Variants in GLS observed in about 807,000 individuals in gnomAD.
GLS encodes the protein glutaminase.
Under a neutral mutation model 86.7 loss-of-function variants are expected in GLS, and 36 were observed. The ratio of observed to expected loss-of-function variants is 0.42; its 90% CI spans 0.32 to 0.55. GLS has a LOEUF of 0.55. Ranked by LOEUF, GLS falls within the 20% of genes least tolerant of loss-of-function variation. The pLI is 0.17. For synonymous variants in GLS, 317 were observed against 305.9 expected (o/e 1.04, Z -0.38); for missense variants, 528 against 833.4 (o/e 0.63, Z 4.51).
At chr2:190,903,137 G>A (rs1689006129) in intron 5 of GLS, among the ~76,000 whole-genome samples, 1 of 152,170 alleles carries the variant, frequency 6.6e-6, no homozygotes, top group South Asian at 2.1e-4. Context: ...AAAGTGCTGG[G>A]ATTATAGGCA....
At position 190,942,689 on chromosome 2, in the gene GLS, G is replaced by A. The variant is rs531808919; in HGVS notation, c.1651-10876G>A. Reference sequence around the variant, plus strand: ...GAGAACACTGGAAAAGCAAACCTTGGGAGTATGGGAAGAAATTAGTTTAAC... The same window carrying A: ...GAGAACACTGGAAAAGCAAACCTTGAGAGTATGGGAAGAAATTAGTTTAAC... On this transcript the variant is annotated intron_variant, in intron 14 of 17. Coordinates refer to ENST00000320717, the MANE Select transcript of GLS (RefSeq NM_014905.5). Among the ~76,000 whole-genome samples the A allele has an allele frequency of 3.3e-5, 5 of 152,296 alleles. 1 individual carries two copies. The South Asian group carries it at 1.0e-3, about 32-fold the overall frequency.
intron 14 of GLS, among the ~76,000 whole-genome samples, chr2:190,944,578 A>G (rs766654179): frequency 2.6e-5 from 4 of 152,026 alleles, no homozygotes; most frequent in Non-Finnish European, 5.9e-5. Flanking sequence ...ATTGATTAGG[A>G]GTGCTGTTTT....
chr2:190,881,420 G>C lies in GLS; in HGVS notation c.336G>C (p.Thr112=), dbSNP rs1471705258. The C allele has an allele frequency of 1.9e-6, 3 of 1,545,396 alleles. No homozygotes were observed. Among genetic ancestry groups the C allele is most frequent in the South Asian group, 1.2e-5 (1 of 83,928 alleles). ...APGPKDGPGE[T]DAFGNSEGKE... The stretch of plus-strand genomic sequence containing the variant: ...GCCCCAAGGACGGCCCCGGGGAGAC[G>C]GACGCGTTTGGCAACAGCGAGGGCA... Residue 112 remains threonine (T), a synonymous_variant, in exon 1 of 18, where the codon ACG becomes ACC. Coordinates refer to ENST00000320717, the MANE Select transcript of GLS (RefSeq NM_014905.5).
rs539608764 is a variant in GLS, at chr2:190,915,111, C to T, written c.1038+4790C>T. Among the ~76,000 whole-genome samples, 3 of 151,484 alleles carry T rather than the reference C, an allele frequency of 2.0e-5. No individual in the cohort carries two copies. In the East Asian group the frequency reaches 5.8e-4, roughly 29 times the overall value. On this transcript the variant is annotated intron_variant, in intron 7 of 17. Coordinates refer to ENST00000320717, the MANE Select transcript of GLS (RefSeq NM_014905.5). ...GTTCACGCCATTCTCCTGCCTCAGC[C>T]TCCCGAGTAGCTGGGACTACAGGCG...
At position 190,964,869 on chromosome 2, in the gene GLS, T is replaced by TGAA. The variant is rs1252227732; in HGVS notation, c.*1886_*1888dup. 3 of 152,224 alleles carry TGAA rather than the reference T, an allele frequency of 2.0e-5. No homozygotes were observed. The highest frequency in any genetic ancestry group is 7.2e-5 in the African/African-American group (3 of 41,452). The allele number at this position is 152,224 out of a possible 1,614,324, so 9.4% of individuals were successfully genotyped here. A position where few individuals can be genotyped will look rare whatever the true frequency, so the allele number is the denominator to read the frequency against. The stretch of plus-strand genomic sequence containing the variant: ...AACAAGACAGTTGAATTGTGTGACT[T>TGAA]GAAGATTACCAATGATTTTGAGGCT... On this transcript the variant is annotated 3_prime_UTR_variant, in exon 18 of 18. Coordinates refer to ENST00000320717, the MANE Select transcript of GLS (RefSeq NM_014905.5). This position sits in a 1 kb window ranked among gnomAD's most constrained non-coding sequence, Gnocchi z 5.2.
chr2:190,918,510 T>C (rs1293500312), intron 7 of GLS, among the ~76,000 whole-genome samples: 1 of 152,196 alleles, frequency 6.6e-6, no homozygotes, highest in East Asian at 1.9e-4. Flanking sequence ...GTTTCATTTT[T>C]TTTTTATCTA....
At position 190,920,875 on chromosome 2, in the gene GLS, A is replaced by G; in HGVS notation, c.1039-149A>G. ...AAATAACATGAAAAAAAGTTTATAT[A>G]AATGTTAAATTACTTTAGAACTATT... is the stretch of plus-strand genomic sequence containing the variant. On this transcript the variant is annotated intron_variant, in intron 7 of 17. Coordinates refer to ENST00000320717, the MANE Select transcript of GLS (RefSeq NM_014905.5). This position sits in a 1 kb window ranked among gnomAD's most constrained non-coding sequence, Gnocchi z 4.2. The G allele has an allele frequency of 1.8e-6, 1 of 542,068 alleles. No individual in the cohort carries two copies. The highest frequency in any genetic ancestry group is 4.9e-4 in the Middle Eastern group (1 of 2,052). The allele number at this position is 542,068 out of a possible 1,614,324, so 33.6% of individuals were successfully genotyped here.
In GLS at chr2:190,927,384, A is replaced by G. The variant is rs1373946574; in HGVS notation, c.1327A>G (p.Thr443Ala). 5 of 1,613,974 alleles carry G rather than the reference A, an allele frequency of 3.1e-6. No individual in the cohort carries two copies. Reference protein sequence around the residue: ...TLANGGFCPITGERVLSPEAV... With the variant: ...TLANGGFCPIAGERVLSPEAV... ...GGCTAATGGTGGTTTCTGCCCAATT[A>G]CTGGTGAAAGAGTACTGAGCCCTGA... The change falls in exon 12 of 18, where the codon ACT becomes GCT. Residue 443 changes from threonine to alanine, a missense_variant. Coordinates refer to ENST00000320717, the MANE Select transcript of GLS (RefSeq NM_014905.5).
At chr2:190,917,655 T>G (rs947121367) in intron 7 of GLS, among the ~76,000 whole-genome samples, 2 of 152,218 alleles carry the variant, frequency 1.3e-5, no homozygotes, top group Non-Finnish European at 2.9e-5. Context: ...AAGTTGAAGT[T>G]ACTCCTTGAT....
In GLS at chr2:190,880,831, C is replaced by G. The variant is rs1011558852; in HGVS notation, c.-254C>G. 2.5e-5 allele frequency: 19 copies of G among 758,988 alleles called. No individual in the cohort carries two copies. Among genetic ancestry groups the G allele is most frequent in the Non-Finnish European group, 3.5e-5 (16 of 452,860 alleles). 47.0% of individuals were successfully genotyped at this position (758,988 alleles called of 1,614,324 possible). A position where few individuals can be genotyped will look rare whatever the true frequency, so the allele number is the denominator to read the frequency against. The stretch of plus-strand genomic sequence containing the variant: ...CTGCGCTTTAGCCTCAGTGCGGAGC[C>G]TTAGGCGGAGCGAAGAGAACCGGTC... On this transcript the variant is annotated 5_prime_UTR_variant, in exon 1 of 18. Coordinates refer to ENST00000320717, the MANE Select transcript of GLS (RefSeq NM_014905.5).
Position 190,924,416 on chromosome 2 carries a change from A to G in GLS, c.1198-127A>G. On this transcript the variant is annotated intron_variant, in intron 10 of 17. Transcript: ENST00000320717. This position sits in a 1 kb window ranked among gnomAD's most constrained non-coding sequence, Gnocchi z 5.2. ...TTTTATTTCATGTTTATACTCTTTT[A>G]GAAGTTACATGCTATTTTATTAATT... 1.5e-6 allele frequency: 1 copy of G among 681,016 alleles called. No individual in the cohort carries two copies. The highest frequency in any genetic ancestry group is 1.8e-5 in the African/African-American group (1 of 55,102). The allele number at this position is 681,016 out of a possible 1,614,324, so 42.2% of individuals were successfully genotyped here.
At position 190,881,301 on chromosome 2, in the gene GLS, T is replaced by C; in HGVS notation, c.217T>C (p.Ser73Pro). 1 of 1,490,102 alleles carries C rather than the reference T, an allele frequency of 6.7e-7. No individual in the cohort carries two copies. The highest frequency in any genetic ancestry group is 8.9e-7 in the Non-Finnish European group (1 of 1,120,320). 92.3% of individuals were successfully genotyped at this position (1,490,102 alleles called of 1,614,324 possible). The change falls in exon 1 of 18, where the codon TCC becomes CCC. Residue 73 changes from serine (S) to proline (P), a missense_variant. Physicochemically the swap from Ser to Pro is moderately conservative, Grantham distance 74. Coordinates refer to ENST00000320717, the MANE Select transcript of GLS (RefSeq NM_014905.5). ...WPAEPLARGL[S>P]SSPSEILQEL... ...GGCGGAGCCCCTCGCGCGGGGCCTG[T>C]CCAGCTCTCCTTCGGAGATCTTGCA...
intron 6 of GLS, among the ~76,000 whole-genome samples, chr2:190,907,448 G>T (rs1179354135): frequency 6.6e-6 from 1 of 151,646 alleles, no homozygotes; most frequent in Non-Finnish European, 1.5e-5. Context: ...TAGAGACGGG[G>T]TTTCTCCATG....
At position 190,949,013 on chromosome 2, in the gene GLS, A is replaced by G. The variant is rs538410432; in HGVS notation, c.1651-4552A>G. Among the ~76,000 whole-genome samples, 23 of 152,254 alleles carry G rather than the reference A, an allele frequency of 1.5e-4. No individual in the cohort carries two copies. Among genetic ancestry groups the G allele is most frequent in the Middle Eastern group, 3.4e-3 (1 of 294 alleles). On this transcript the variant is annotated intron_variant, in intron 14 of 17. Transcript: ENST00000320717. The surrounding 1 kb of genome is among the most constrained non-coding windows in gnomAD (Gnocchi z 4.0). The stretch of plus-strand genomic sequence containing the variant: ...ATGCTGGGCTGGGATGGCCTGGGGA[A>G]GACTGACAGCAAGGAAGGGACTTTC...
In GLS at chr2:190,963,086, C is replaced by T. The variant is rs564598203; in HGVS notation, c.*100C>T. 2.7e-4 allele frequency: 225 copies of T among 831,260 alleles called. 1 individual carries two copies. The African/African-American group carries it at 3.7e-3, about 14-fold the overall frequency. The allele number at this position is 831,260 out of a possible 1,614,324, so 51.5% of individuals were successfully genotyped here. On this transcript the variant is annotated 3_prime_UTR_variant, in exon 18 of 18. Transcript: ENST00000320717. ...CTATCTGGTAGTGATGTATATTTTA[C>T]ATTTGTCATTTCAGTGTTACTGGAG... is the stretch of plus-strand genomic sequence containing the variant.
chr2:190,930,595 A>G lies in GLS; in HGVS notation c.1557+27A>G. On this transcript the variant is annotated intron_variant, in intron 13 of 17. Coordinates refer to ENST00000320717, the MANE Select transcript of GLS (RefSeq NM_014905.5). This position sits in a 1 kb window ranked among gnomAD's most constrained non-coding sequence, Gnocchi z 5.0. ...TAAGCATATTTTCTTAATGTAAATA[A>G]TGGTGTTACAAGTTGAGCCATCCAA... 1 of 1,589,402 alleles carries G rather than the reference A, an allele frequency of 6.3e-7. No individual in the cohort carries two copies. Among genetic ancestry groups the G allele is most frequent in the Non-Finnish European group, 8.6e-7 (1 of 1,167,388 alleles).
chr2:190,960,485 C>G (rs1362928315), intron 17 of GLS, among the ~76,000 whole-genome samples: 1 of 151,616 alleles, frequency 6.6e-6, no homozygotes, highest in Non-Finnish European at 1.5e-5. Flanking sequence ...CCACCTCAAC[C>G]TCCTGAGTAG....
intron 14 of GLS, chr2:190,933,212 A>T (rs1690165709): frequency 1.1e-6 from 1 of 870,688 alleles, no homozygotes; most frequent in Non-Finnish European, 1.4e-6. Flanking sequence ...TCTAAAATTC[A>T]CAAATTAAAC....
At position 190,935,936 on chromosome 2, in the gene GLS, C is replaced by T. The variant is rs1470938710; in HGVS notation, c.1650+4299C>T. 1.4e-4 allele frequency among the ~76,000 whole-genome samples: 21 copies of T among 151,052 alleles called. No individual in the cohort carries two copies. Among genetic ancestry groups the T allele is most frequent in the Non-Finnish European group, 3.1e-4 (21 of 67,196 alleles). On this transcript the variant is annotated intron_variant, in intron 14 of 17. Coordinates refer to ENST00000320717, the MANE Select transcript of GLS (RefSeq NM_014905.5). The surrounding 1 kb of genome is among the most constrained non-coding windows in gnomAD (Gnocchi z 4.2). ...CATGTATTGTAGGTCAAATATAGTA[C>T]TTTACATTTTTATGTTTAATTAAAT...
Sources: allele counts gnomAD v4.1 joint callset (sites outside exome capture counted in the v4.1 genomes callset), GRCh38; gene constraint gnomAD v4.1.1; non-coding constraint Gnocchi (gnomAD v3.1); transcripts MANE v1.5; gene names NCBI Gene and HGNC (gene_info 2026-07-23, HGNC 2026-07-21).